TMEM132D: variants seen among roughly 807,000 people sequenced by gnomAD.
The protein encoded by TMEM132D is mature OL transmembrane protein.
A neutral mutation model predicts 62.3 loss-of-function variants in TMEM132D; 21 were observed. The ratio of observed to expected loss-of-function variants is 0.34; its 90% CI spans 0.24 to 0.49. The LOEUF (loss-of-function observed/expected upper bound fraction) is 0.49, where lower values mean the gene tolerates loss of function less well. Among genes scored for constraint, TMEM132D ranks in the 20% least tolerant of loss-of-function variants. The probability of loss-of-function intolerance (pLI) is 0.99; values close to 1 mark genes in which losing one functional copy is unlikely to be tolerated. For synonymous variants in TMEM132D, 621 were observed against 575.6 expected, an observed-to-expected ratio of 1.08 and a Z score of -1.13; for missense variants, 1,346 against 1,402.8, an observed-to-expected ratio of 0.96 and a Z score of 0.65.
At chr12:129,372,924 T>A (rs1870659395) in intron 3 of TMEM132D, among the ~76,000 whole-genome samples, 1 of 152,116 alleles carries the variant, frequency 6.6e-6, no homozygotes, top group South Asian at 2.1e-4. Flanking sequence ...TGTGGAAAAA[T>A]TGTCTTCCAC....
At position 129,738,698 on chromosome 12, in the gene TMEM132D, C is replaced by T. The variant is rs546946702; in HGVS notation, c.80-38000G>A. ...CATTTTCTTTCAAACCAAGTCTCAG[C>T]GATTTAGGGCCTTTTATAACAAAAG... is the stretch of plus-strand genomic sequence containing the variant. On this transcript the variant is annotated intron_variant, in intron 1 of 8. Transcript: ENST00000422113. Among the ~76,000 whole-genome samples, 8 of 152,136 alleles carry T rather than the reference C, an allele frequency of 5.3e-5. No homozygotes were observed. The East Asian group carries it at 1.2e-3, about 22-fold the overall frequency.
rs1313383705 is a variant in TMEM132D, at chr12:129,564,060, AG to A, written c.969-32856del. 1.6e-3 allele frequency among the ~76,000 whole-genome samples: 241 copies of A among 152,310 alleles called. 1 individual carries two copies. The highest frequency in any genetic ancestry group is 2.6e-3 in the Non-Finnish European group (179 of 68,026). On this transcript the variant is annotated intron_variant, in intron 2 of 8. Coordinates refer to ENST00000422113, the MANE Select transcript of TMEM132D (RefSeq NM_133448.3). ...ATTTCAGGTATAACTAAGACGTTTC[AG>A]GGTATTTTCATTAATTAGTCCCAAA...
intron 1 of TMEM132D, among the ~76,000 whole-genome samples, chr12:129,804,378 G>T (rs1360531075): frequency 1.9e-5 from 2 of 106,400 alleles, no homozygotes; most frequent in Non-Finnish European, 3.8e-5. Flanking sequence ...ATGCAAGGCT[G>T]GTTCAATATA....
intron 1 of TMEM132D, among the ~76,000 whole-genome samples, chr12:129,846,791 T>C (rs886669014): frequency 3.9e-5 from 6 of 152,228 alleles, no homozygotes; most frequent in Admixed American, 1.3e-4. Flanking sequence ...AGTTCTAGAA[T>C]TTTTATTTGA....
intron 3 of TMEM132D, among the ~76,000 whole-genome samples, chr12:129,343,775 A>G (rs552398497): frequency 6.6e-6 from 1 of 150,784 alleles, no homozygotes; most frequent in Admixed American, 6.6e-5. Flanking sequence ...AAAAAACAAA[A>G]AAAAAAAACA....
chr12:129,083,030 G>A (rs149883045), intron 6 of TMEM132D, among the ~76,000 whole-genome samples: 2 of 152,346 alleles, frequency 1.3e-5, no homozygotes, highest in African/African-American at 4.8e-5. Context: ...TGGCCAGCAT[G>A]TTGTTCTTTT....
intron 5 of TMEM132D, among the ~76,000 whole-genome samples, chr12:129,107,263 A>T (rs1349047683): frequency 6.6e-6 from 1 of 152,252 alleles, no homozygotes; most frequent in Non-Finnish European, 1.5e-5. Flanking sequence ...CCAATGCTAA[A>T]TGAATGTTTT....
rs79137755 is a variant in TMEM132D, at chr12:129,156,151, C to A, written c.1443+53369G>T. Among the ~76,000 whole-genome samples, 782 of 150,508 alleles carry A rather than the reference C, an allele frequency of 5.2e-3. 20 individuals carry two copies. Among genetic ancestry groups the A allele is most frequent in the Admixed American group, 0.037 (560 of 15,226 alleles). ...CAACTCACTCCAAAGAAAAATAACA[C>A]ACTCCCAATATAAACCAACCTATTC... On this transcript the variant is annotated intron_variant, in intron 5 of 8. Coordinates refer to ENST00000422113, the MANE Select transcript of TMEM132D (RefSeq NM_133448.3).
At chr12:129,102,464 TACACATGTACTCACACAATGC>T (rs1385499875) in intron 5 of TMEM132D, among the ~76,000 whole-genome samples, 1 of 147,500 alleles carries the variant, frequency 6.8e-6, no homozygotes, top group East Asian at 2.0e-4. Context: ...GGCACATGCA[TACACATGTACTCACACAATGC>T]ACACACACAC....
chr12:129,873,310 G>A (rs1323445792), intron 1 of TMEM132D, among the ~76,000 whole-genome samples: 1 of 152,164 alleles, frequency 6.6e-6, no homozygotes, highest in Non-Finnish European at 1.5e-5. Flanking sequence ...TAACAAAATG[G>A]AAAGGAAGAG....
At chr12:129,134,200 CTG>C (rs775767669) in intron 5 of TMEM132D, among the ~76,000 whole-genome samples, 5 of 148,518 alleles carry the variant, frequency 3.4e-5, no homozygotes, top group Non-Finnish European at 6.0e-5. Context: ...GTGTGTGTGT[CTG>C]TGTGTGTGCG....
At chr12:129,782,489 T>C (rs1313687004) in intron 1 of TMEM132D, among the ~76,000 whole-genome samples, 3 of 152,210 alleles carry the variant, frequency 2.0e-5, no homozygotes, top group Non-Finnish European at 2.9e-5. Context: ...ACCTGGCTTA[T>C]GGGATATCAT....
At chr12:129,646,673 G>A (rs530316377) in intron 2 of TMEM132D, among the ~76,000 whole-genome samples, 1 of 151,986 alleles carries the variant, frequency 6.6e-6, no homozygotes, top group South Asian at 2.1e-4. Context: ...ATCATTCCTA[G>A]CTGTGTTCTT....
At chr12:129,649,068 G>T (rs1208354663) in intron 2 of TMEM132D, among the ~76,000 whole-genome samples, 23 of 152,152 alleles carry the variant, frequency 1.5e-4, no homozygotes, top group Non-Finnish European at 2.9e-5. Flanking sequence ...ATCCTGCAAA[G>T]TAGATGGTTT....
At position 129,516,492 on chromosome 12, in the gene TMEM132D, G is replaced by A. The variant is rs143335294; in HGVS notation, c.1115+14567C>T. Among the ~76,000 whole-genome samples, 412 of 152,194 alleles carry A rather than the reference G, an allele frequency of 2.7e-3. 3 individuals are homozygous for A. Among genetic ancestry groups the A allele is most frequent in the African/African-American group, 7.6e-3 (315 of 41,566 alleles). On this transcript the variant is annotated intron_variant, in intron 3 of 8. Coordinates refer to ENST00000422113, the MANE Select transcript of TMEM132D (RefSeq NM_133448.3). ...GGCACATCTTACATGGTGGCAGACA[G>A]GAGAGAAAATGAGAGCTAAGTGAAA...
At chr12:129,858,944 G>T (rs1464414119) in intron 1 of TMEM132D, among the ~76,000 whole-genome samples, 1 of 131,894 alleles carries the variant, frequency 7.6e-6, no homozygotes, top group Non-Finnish European at 1.7e-5. Flanking sequence ...CCGGGGGAAC[G>T]GGATGGGTGC....
In TMEM132D at chr12:129,618,415, C is replaced by T. The variant is rs141814497; in HGVS notation, c.968+81395G>A. On this transcript the variant is annotated intron_variant, in intron 2 of 8. Transcript: ENST00000422113. ...ACAAAATTTACCTGATGTGTTTGTTCGCTTAACAGACATTGCTTTTGCACT... is the reference window on the plus strand; with the variant it reads ...ACAAAATTTACCTGATGTGTTTGTTTGCTTAACAGACATTGCTTTTGCACT... Among the ~76,000 whole-genome samples, 13 of 152,320 alleles carry T rather than the reference C, an allele frequency of 8.5e-5. No homozygotes were observed. In the South Asian group the frequency reaches 2.1e-3, roughly 24 times the overall value.
At chr12:129,130,651 A>C (rs1433590605) in intron 5 of TMEM132D, among the ~76,000 whole-genome samples, 1 of 152,194 alleles carries the variant, frequency 6.6e-6, no homozygotes, top group Non-Finnish European at 1.5e-5. Context: ...GCATAGCGTC[A>C]GGCAGTGGGA....
At chr12:129,427,925 T>C (rs1872544832) in intron 3 of TMEM132D, among the ~76,000 whole-genome samples, 1 of 152,174 alleles carries the variant, frequency 6.6e-6, no homozygotes, top group African/African-American at 2.4e-5. Flanking sequence ...CCTTATCTTA[T>C]CTTATCTCTC....
Sources: gnomAD v4.1 joint callset for allele counts (sites outside exome capture counted in the v4.1 genomes callset) on GRCh38, gnomAD v4.1.1 for gene constraint, MANE v1.5 for transcripts, NCBI Gene and HGNC (gene_info 2026-07-23, HGNC 2026-07-21) for gene names.